Variants in PHF24 observed in about 807,000 individuals in gnomAD.
PHF24 encodes the protein Galpha inhibitory interacting protein.
Under a neutral mutation model 42.6 loss-of-function variants are expected in PHF24, and 25 were observed. The observed-to-expected ratio is 0.59, with a 90% CI of 0.43 to 0.82. The LOEUF (loss-of-function observed/expected upper bound fraction) is 0.82, where lower values mean the gene tolerates loss of function less well. PHF24 is among the 40% of genes least tolerant of loss of function. PHF24 has a pLI of 0.00. For missense variants in PHF24, 470 were observed against 538.1 expected, an observed-to-expected ratio of 0.87 and a Z score of 1.25; for synonymous variants, 185 against 204.8, an observed-to-expected ratio of 0.90 and a Z score of 0.83.
At chr9:34,833,601 C>G in the PHF24 span, 1 of 1,548,748 alleles carries the variant, frequency 6.5e-7, no homozygotes. Context: ...CATTGTATCT[C>G]TAGGACCTTT....
the PHF24 span, among the ~76,000 whole-genome samples, chr9:34,760,865 G>T: frequency 6.6e-6 from 1 of 152,230 alleles, no homozygotes; most frequent in South Asian, 2.1e-4. Context: ...AGTGGCGAGC[G>T]CCTGTAGTCC....
chr9:34,692,539 C>T, the PHF24 span, among the ~76,000 whole-genome samples: 1 of 152,132 alleles, frequency 6.6e-6, no homozygotes, highest in African/African-American at 2.4e-5. Flanking sequence ...TGGCACAGCA[C>T]GGGTAGTCAC....
At chr9:34,940,661 G>T in the PHF24 span, among the ~76,000 whole-genome samples, 1 of 152,160 alleles carries the variant, frequency 6.6e-6, no homozygotes, top group Non-Finnish European at 1.5e-5. Flanking sequence ...TGCCACCAAG[G>T]TGTGACCCAG....
At chr9:34,846,348 A>G in the PHF24 span, among the ~76,000 whole-genome samples, 7 of 151,670 alleles carry the variant, frequency 4.6e-5, no homozygotes, top group Admixed American at 6.6e-5. Context: ...TCTGATGGCC[A>G]GTGATGGTGA....
chr9:34,728,017 A>G, the PHF24 span: 5 of 1,551,816 alleles, frequency 3.2e-6, no homozygotes, highest in African/African-American at 5.5e-5. Flanking sequence ...AGAGCAATAG[A>G]TCACCTTTTA....
the PHF24 span, among the ~76,000 whole-genome samples, chr9:34,706,272 T>C: frequency 3.4e-4 from 52 of 152,344 alleles, no homozygotes; most frequent in African/African-American, 1.2e-3. Context: ...ATTTAGAGGA[T>C]GCAGTGACAG....
At chr9:34,901,656 C>T in the PHF24 span, among the ~76,000 whole-genome samples, 6 of 152,240 alleles carry the variant, frequency 3.9e-5, 1 homozygote, top group East Asian at 1.2e-3. Context: ...TGGCTCATGC[C>T]TGTAATCCCA....
At chr9:34,775,788 A>T in the PHF24 span, among the ~76,000 whole-genome samples, 1 of 152,340 alleles carries the variant, frequency 6.6e-6, no homozygotes, top group East Asian at 1.9e-4. Context: ...TCCACACAAA[A>T]ATTTGTACAC....
chr9:34,769,867 G>C, the PHF24 span, among the ~76,000 whole-genome samples: 3 of 151,978 alleles, frequency 2.0e-5, no homozygotes, highest in African/African-American at 7.2e-5. Context: ...GAAAAAGATA[G>C]GCAAATTCAT....
At chr9:34,727,103 C>T in the PHF24 span, 1 of 1,438,938 alleles carries the variant, frequency 6.9e-7, no homozygotes, top group Admixed American at 2.7e-5. Context: ...GGGCCTATAC[C>T]ATCTTGTTGT....
At chr9:34,946,153 TAAATA>T in the PHF24 span, among the ~76,000 whole-genome samples, 8 of 152,226 alleles carry the variant, frequency 5.3e-5, no homozygotes, top group African/African-American at 1.9e-4. Context: ...TTTGGAGGAT[TAAATA>T]AAATAATATA....
At chr9:34,689,473 A>C in the PHF24 span, 334 of 280,026 alleles carry the variant, frequency 1.2e-3, no homozygotes, top group African/African-American at 6.6e-3. The surrounding 1 kb of genome is among the most constrained non-coding windows in gnomAD (Gnocchi z 4.1). Flanking sequence ...CAGCAGACAG[A>C]TCTATGGGTG....
chr9:34,882,799 T>C, the PHF24 span, among the ~76,000 whole-genome samples: 424 of 152,270 alleles, frequency 2.8e-3, 1 homozygote, highest in African/African-American at 9.3e-3. Flanking sequence ...CAAGGTAATT[T>C]ATAGATTCAA....
At chr9:34,857,082 C>T in the PHF24 span, among the ~76,000 whole-genome samples, 10 of 152,288 alleles carry the variant, frequency 6.6e-5, no homozygotes, top group African/African-American at 2.2e-4. Context: ...AACTCCTCCC[C>T]ATCCCTGGTG....
At chr9:34,938,132 G>A in the PHF24 span, among the ~76,000 whole-genome samples, 1 of 152,196 alleles carries the variant, frequency 6.6e-6, no homozygotes, top group Non-Finnish European at 1.5e-5. Context: ...TAATGAAGAA[G>A]AGGAAGCCTT....
chr9:34,666,131 G>A, the PHF24 span: 1 of 178,196 alleles, frequency 5.6e-6, no homozygotes, highest in South Asian at 9.9e-5. Flanking sequence ...ATGTCTCCCA[G>A]AGGAGGCGGA....
the PHF24 span, among the ~76,000 whole-genome samples, chr9:34,693,451 G>GGCA: frequency 6.6e-6 from 1 of 152,126 alleles, no homozygotes; most frequent in African/African-American, 2.4e-5. Flanking sequence ...GTAGCCTTTG[G>GGCA]GCAGCAGCAG....
the PHF24 span, among the ~76,000 whole-genome samples, chr9:34,866,005 A>C: frequency 2.0e-5 from 3 of 152,248 alleles, no homozygotes; most frequent in Non-Finnish European, 4.4e-5. Context: ...GACACACCTC[A>C]GTGTTGCCCT....
chr9:34,832,621 CT>C, the PHF24 span: 3 of 1,542,932 alleles, frequency 1.9e-6, no homozygotes, highest in South Asian at 3.6e-5. Context: ...TGCCCTTTGC[CT>C]TTTGTCTTGG....
Sources: allele counts gnomAD v4.1 joint callset (sites outside exome capture counted in the v4.1 genomes callset), GRCh38; gene constraint gnomAD v4.1.1; non-coding constraint Gnocchi (gnomAD v3.1); transcripts MANE v1.5; gene names NCBI Gene and HGNC (gene_info 2026-07-23, HGNC 2026-07-21).